The following MYT1L variants were observed in gnomAD, a reference collection of about 807,000 sequenced individuals.
MYT1L encodes the protein myelin transcription factor 1-like protein.
In MYT1L, 12 loss-of-function variants were observed where a neutral mutation model predicts 126.7. That is an observed-to-expected ratio of 0.09 (90% CI 0.06 to 0.15). MYT1L has a LOEUF of 0.15. Ranked by LOEUF, MYT1L falls within the 10% of genes least tolerant of loss-of-function variation. The pLI is 1.00. For synonymous variants in MYT1L, 541 were observed against 604.2 expected (o/e 0.90, Z 1.53); for missense variants, 979 against 1,585.2 (o/e 0.62, Z 6.49).
At chr2:2,213,317 GGAGACAGAGCTTAGT>G (rs1316727532) in intron 2 of MYT1L, among the ~76,000 whole-genome samples, 1 of 152,192 alleles carries the variant, frequency 6.6e-6, no homozygotes, top group Non-Finnish European at 1.5e-5. Context: ...AGTGAGTTGA[GGAGACAGAGCTTAGT>G]GTCCAGGGAG....
At chr2:1,854,056 A>G (rs1047722026) in intron 18 of MYT1L, among the ~76,000 whole-genome samples, 1 of 152,194 alleles carries the variant, frequency 6.6e-6, no homozygotes, top group Non-Finnish European at 1.5e-5. Flanking sequence ...CTTTTTAAAA[A>G]GCTTATTAAT....
At chr2:2,000,320 T>C (rs1308195848) in intron 4 of MYT1L, among the ~76,000 whole-genome samples, 3 of 152,202 alleles carry the variant, frequency 2.0e-5, no homozygotes, top group Admixed American at 1.3e-4. Context: ...ATCCCCCTTT[T>C]GTGGCTCCTA....
intron 1 of MYT1L, among the ~76,000 whole-genome samples, chr2:2,296,066 GATAA>G (rs2095688944): frequency 1.3e-5 from 2 of 152,252 alleles, no homozygotes; most frequent in African/African-American, 4.8e-5. Flanking sequence ...AACTCAGTAG[GATAA>G]ATATAGAAAA....
rs1228448302 is a variant in MYT1L at position 1,958,162 on chromosome 2, C to G, written c.153-14828G>C. ...GTTTTAGAGAAATGCAATATTGCTTCCTTCATGTCTGCGCAGAAAACTTGC... is the reference window on the plus strand; with the variant it reads ...GTTTTAGAGAAATGCAATATTGCTTGCTTCATGTCTGCGCAGAAAACTTGC... On this transcript the variant is annotated intron_variant, in intron 8 of 24. Coordinates refer to ENST00000647738, the MANE Select transcript of MYT1L (RefSeq NM_001303052.2). Among the ~76,000 whole-genome samples, 4 of 152,152 alleles carry G rather than the reference C, an allele frequency of 2.6e-5. No homozygotes were observed. In the South Asian group the frequency reaches 6.2e-4, roughly 24 times the overall value.
At chr2:1,969,777 G>A (rs1283721039) in intron 8 of MYT1L, among the ~76,000 whole-genome samples, 2 of 152,200 alleles carry the variant, frequency 1.3e-5, no homozygotes, top group Non-Finnish European at 2.9e-5. Flanking sequence ...CCAGCCAGGA[G>A]TGGCCACAGC....
intron 2 of MYT1L, among the ~76,000 whole-genome samples, chr2:2,262,230 A>AAGT (rs2094987473): frequency 5.9e-5 from 9 of 152,232 alleles, no homozygotes; most frequent in Non-Finnish European, 2.9e-5. Context: ...TGTGTGTTTT[A>AAGT]TCTATTTCTT....
rs560454487 is a variant in MYT1L, at chr2:1,996,215, G to T, written c.-1+976C>A. Among the ~76,000 whole-genome samples the T allele has an allele frequency of 4.6e-5, 7 of 152,352 alleles. No homozygotes were observed. The South Asian group carries it at 1.4e-3, about 32-fold the overall frequency. ...TGTTTATTTAGTTCTTTTCTCACAC[G>T]CAGAGAGCACACAACCTAACCGTCT... On this transcript the variant is annotated intron_variant, in intron 5 of 24. Coordinates refer to ENST00000647738, the MANE Select transcript of MYT1L (RefSeq NM_001303052.2).
rs563009039 is a variant in MYT1L, at chr2:2,327,820, GT to G, written c.-521+3146del. 1.4e-3 allele frequency among the ~76,000 whole-genome samples: 207 copies of G among 152,170 alleles called. 2 individuals are homozygous for G. The highest frequency in any genetic ancestry group is 4.6e-3 in the African/African-American group (191 of 41,524). On this transcript the variant is annotated intron_variant, in intron 1 of 24. Coordinates refer to ENST00000647738, the MANE Select transcript of MYT1L (RefSeq NM_001303052.2). Reference sequence around the variant, plus strand: ...CTAGTCCCTCTAATTCCACAGAGGAGTTTTTTTTAATATAAAATATTTAAGG... The same window carrying G: ...CTAGTCCCTCTAATTCCACAGAGGAGTTTTTTTAATATAAAATATTTAAGG...
intron 19 of MYT1L, 104 bp downstream of exon 19, chr2:1,851,537 C>T: frequency 1.9e-6 from 2 of 1,062,960 alleles, no homozygotes; most frequent in South Asian, 2.7e-5. Flanking sequence ...TTAATTTTGC[C>T]CATGGTGTCA....
At chr2:1,958,269 G>A (rs912147644) in intron 8 of MYT1L, among the ~76,000 whole-genome samples, 1 of 152,162 alleles carries the variant, frequency 6.6e-6, no homozygotes, top group Admixed American at 6.5e-5. Flanking sequence ...CACTGCAGAT[G>A]GAACCCAGAG....
At position 2,120,886 on chromosome 2, in the gene MYT1L, G is replaced by C. The variant is rs576543348; in HGVS notation, c.-304+51986C>G. Among the ~76,000 whole-genome samples, 3 of 151,950 alleles carry C rather than the reference G, an allele frequency of 2.0e-5. No individual in the cohort carries two copies. The South Asian group carries it at 6.3e-4, about 32-fold the overall frequency. On this transcript the variant is annotated intron_variant, in intron 3 of 24. Coordinates refer to ENST00000647738, the MANE Select transcript of MYT1L (RefSeq NM_001303052.2). ...CCTACCAGCTGTCCCCATTGAGTGC[G>C]CACTGTGTGGTGGGTGTTTTAATCT...
intron 23 of MYT1L, among the ~76,000 whole-genome samples, chr2:1,797,064 G>A (rs926169907): frequency 6.7e-6 from 1 of 149,914 alleles, no homozygotes; most frequent in Non-Finnish European, 1.5e-5. Flanking sequence ...CTGGGGAATC[G>A]TGGAGTCCAG....
intron 1 of MYT1L, among the ~76,000 whole-genome samples, chr2:2,284,922 G>C (rs2095497046): frequency 6.6e-6 from 1 of 152,020 alleles, no homozygotes; most frequent in Non-Finnish European, 1.5e-5. Context: ...TGTTGGCCAG[G>C]GGTCAGGGTG....
At chr2:1,904,563 G>T (rs898168713) in intron 13 of MYT1L, among the ~76,000 whole-genome samples, 2 of 151,728 alleles carry the variant, frequency 1.3e-5, no homozygotes, top group Non-Finnish European at 2.9e-5. Context: ...TGGAGACAGG[G>T]TTTCACCATG....
intron 3 of MYT1L, among the ~76,000 whole-genome samples, chr2:2,135,055 C>T (rs2082862520): frequency 6.6e-6 from 1 of 152,168 alleles, no homozygotes; most frequent in Non-Finnish European, 1.5e-5. Context: ...TGCACCTTTC[C>T]AGCTCCCTGC....
intron 2 of MYT1L, among the ~76,000 whole-genome samples, chr2:2,278,019 T>C (rs968833173): frequency 2.0e-5 from 3 of 152,248 alleles, no homozygotes; most frequent in Non-Finnish European, 4.4e-5. Context: ...TAATTATTAA[T>C]TCAGAAACAC....
chr2:1,920,369 A>G (rs950520197), intron 10 of MYT1L, among the ~76,000 whole-genome samples: 11 of 152,228 alleles, frequency 7.2e-5, no homozygotes, highest in Non-Finnish European at 1.3e-4. Context: ...TAAAGGGACC[A>G]AGAAACCAAA....
At chr2:1,880,547 A>G (rs2047401577) in intron 18 of MYT1L, among the ~76,000 whole-genome samples, 1 of 152,182 alleles carries the variant, frequency 6.6e-6, no homozygotes, top group South Asian at 2.1e-4. Context: ...AGCATGTTTC[A>G]TTTAGTTTTC....
At chr2:2,261,301 T>C (rs924897735) in intron 2 of MYT1L, among the ~76,000 whole-genome samples, 1 of 152,248 alleles carries the variant, frequency 6.6e-6, no homozygotes, top group African/African-American at 2.4e-5. Flanking sequence ...CTATGTCTTT[T>C]GATATTGTTG....
Sources: gnomAD v4.1 joint callset for allele counts (sites outside exome capture counted in the v4.1 genomes callset) on GRCh38, gnomAD v4.1.1 for gene constraint, MANE v1.5 for transcripts, NCBI Gene and HGNC (gene_info 2026-07-23, HGNC 2026-07-21) for gene names.